Variants in PLCE1 observed in about 807,000 individuals in gnomAD.
PLCE1 encodes 1-phosphatidylinositol 4,5-bisphosphate phosphodiesterase epsilon-1.
In PLCE1, 119 loss-of-function variants were observed where a neutral mutation model predicts 242.8. The ratio of observed to expected loss-of-function variants is 0.49; its 90% CI spans 0.42 to 0.57. The LOEUF (loss-of-function observed/expected upper bound fraction) is 0.57, where lower values mean the gene tolerates loss of function less well. PLCE1 is among the 20% of genes least tolerant of loss of function. The pLI, the probability that PLCE1 is intolerant of heterozygous loss-of-function variation, is 0.00. For synonymous variants in PLCE1, 945 were observed against 1,017.4 expected, an observed-to-expected ratio of 0.93 and a Z score of 1.35; for missense variants, 2,441 against 2,788.8, an observed-to-expected ratio of 0.88 and a Z score of 2.81.
At chr10:94,271,704 T>C (rs112371529) in intron 18 of PLCE1, among the ~76,000 whole-genome samples, 3,172 of 152,242 alleles carry the variant, frequency 0.021, 135 homozygotes, top group African/African-American at 0.072. Flanking sequence ...AGTCAGTCCT[T>C]CCTTATATAA....
chr10:94,276,198 C>T (rs1204682702), intron 19 of PLCE1, among the ~76,000 whole-genome samples: 3 of 152,122 alleles, frequency 2.0e-5, no homozygotes, highest in Non-Finnish European at 4.4e-5. Context: ...TGATTATTGC[C>T]CCCGTCTGGT....
intron 22 of PLCE1, among the ~76,000 whole-genome samples, chr10:94,292,722 T>C (rs890251679): frequency 6.6e-6 from 1 of 152,238 alleles, no homozygotes; most frequent in Non-Finnish European, 1.5e-5. Flanking sequence ...AAATACGACC[T>C]CCTGAATGCT....
At chr10:94,069,883 A>G (rs753359128) in intron 2 of PLCE1, among the ~76,000 whole-genome samples, 4 of 152,178 alleles carry the variant, frequency 2.6e-5, no homozygotes, top group Non-Finnish European at 5.9e-5. Context: ...AACCAAAGCC[A>G]GGTCTATAGG....
At chr10:94,259,673 T>C (rs1045628072) in intron 13 of PLCE1, among the ~76,000 whole-genome samples, 10 of 152,184 alleles carry the variant, frequency 6.6e-5, no homozygotes, top group African/African-American at 2.4e-4. Context: ...CATTGTGTGG[T>C]TCTGCCCATG....
chr10:94,180,122 G>A (rs976642291), intron 4 of PLCE1, among the ~76,000 whole-genome samples: 11 of 152,108 alleles, frequency 7.2e-5, no homozygotes, highest in South Asian at 2.1e-4. Flanking sequence ...TCCAGAGCCA[G>A]CATTCTTGGC....
intron 1 of PLCE1, among the ~76,000 whole-genome samples, chr10:94,024,032 G>A (rs923340861): frequency 1.3e-5 from 2 of 152,166 alleles, no homozygotes; most frequent in African/African-American, 2.4e-5. Context: ...TGGAGCAGCA[G>A]ATATTCGGGA....
chr10:94,191,572 T>G (rs962162783), intron 4 of PLCE1, among the ~76,000 whole-genome samples: 1 of 151,872 alleles, frequency 6.6e-6, no homozygotes, highest in Non-Finnish European at 1.5e-5. Context: ...GTGCGGGAGG[T>G]TGAGTCTGCA....
chr10:94,072,571 A>G (rs1473254120), intron 2 of PLCE1, among the ~76,000 whole-genome samples: 1 of 151,890 alleles, frequency 6.6e-6, no homozygotes, highest in Non-Finnish European at 1.5e-5. Flanking sequence ...CATTTCTTTT[A>G]TTTGCTTGGC....
intron 2 of PLCE1, among the ~76,000 whole-genome samples, chr10:94,131,047 A>T (rs1455695657): frequency 1.3e-5 from 2 of 152,308 alleles, no homozygotes; most frequent in Middle Eastern, 3.4e-3. Flanking sequence ...CAGCCCTGTC[A>T]TAGTTTCTGG....
rs35760715 is a variant in PLCE1, at chr10:94,158,854, C to CTTTTTT, written c.1493-12312_1493-12307dup. On this transcript the variant is annotated intron_variant, in intron 3 of 32. Coordinates refer to ENST00000371380, the MANE Select transcript of PLCE1 (RefSeq NM_016341.4). ...TATTTTAAATTTTCTTCTTCTTTTT[C>CTTTTTT]TTTTTTTTTTTTTTTTTTTGAGACG... Among the ~76,000 whole-genome samples the CTTTTTT allele has an allele frequency of 6.3e-3, 705 of 111,416 alleles. 3 individuals carry two copies. Among genetic ancestry groups the CTTTTTT allele is most frequent in the East Asian group, 0.013 (47 of 3,494 alleles). The allele number at this position is 111,416 out of a possible 152,430, so 73.1% of individuals were successfully genotyped here.
intron 2 of PLCE1, among the ~76,000 whole-genome samples, chr10:94,090,373 G>T (rs2045015748): frequency 6.6e-6 from 1 of 152,158 alleles, no homozygotes; most frequent in Non-Finnish European, 1.5e-5. Context: ...GAGTGTTAGG[G>T]TTAAAAATTT....
chr10:94,279,436 G>T, intron 19 of PLCE1: 1 of 330,806 alleles, frequency 3.0e-6, no homozygotes, highest in Admixed American at 4.6e-5. Flanking sequence ...AAAAATTGAT[G>T]GGTGATTCAC....
Position 94,331,940 on chromosome 10 carries a change from C to T in PLCE1, c.*3997C>T, listed in dbSNP as rs55666785. Reference sequence around the variant, plus strand: ...AGCCTGGAGTGCAGTGGTACGATCTCGACTCACCACAACCTCCACCTCCCA... The same window carrying T: ...AGCCTGGAGTGCAGTGGTACGATCTTGACTCACCACAACCTCCACCTCCCA... On this transcript the variant is annotated 3_prime_UTR_variant, in exon 33 of 33. Coordinates refer to ENST00000371380, the MANE Select transcript of PLCE1 (RefSeq NM_016341.4). The T allele has an allele frequency of 0.028, 4,182 of 148,762 alleles. 66 individuals carry two copies. The highest frequency in any genetic ancestry group is 0.047 in the African/African-American group (1,881 of 40,214). The allele number at this position is 148,762 out of a possible 1,614,324, so 9.2% of individuals were successfully genotyped here. A position where few individuals can be genotyped will look rare whatever the true frequency, so the allele number is the denominator to read the frequency against.
chr10:94,045,830 G>A (rs1433568565), intron 2 of PLCE1, among the ~76,000 whole-genome samples: 2 of 152,132 alleles, frequency 1.3e-5, no homozygotes, highest in East Asian at 3.9e-4. Context: ...GCCAGGCGCG[G>A]TGGCTCACGC....
chr10:94,175,280 C>A (rs2048095341), intron 4 of PLCE1, among the ~76,000 whole-genome samples: 1 of 152,024 alleles, frequency 6.6e-6, no homozygotes, highest in Non-Finnish European at 1.5e-5. Context: ...CTTTCTATTT[C>A]TTTTCAAAAT....
intron 16 of PLCE1, among the ~76,000 whole-genome samples, chr10:94,266,802 A>T (rs894367748): frequency 3.9e-5 from 6 of 152,218 alleles, no homozygotes; most frequent in Non-Finnish European, 7.3e-5. Flanking sequence ...TATTCCTCAA[A>T]GCATGGGGCA....
intron 3 of PLCE1, chr10:94,138,194 A>C (rs1190455118): frequency 2.8e-6 from 1 of 360,518 alleles, no homozygotes; most frequent in Non-Finnish European, 5.4e-6. Flanking sequence ...TCAATGATAC[A>C]GTCTTGGCCC....
chr10:94,111,328 G>A (rs559089422), intron 2 of PLCE1, among the ~76,000 whole-genome samples: 9 of 152,328 alleles, frequency 5.9e-5, no homozygotes, highest in South Asian at 4.1e-4. Flanking sequence ...GGCAAGCAAC[G>A]AGGCTCACTA....
At position 94,171,445 on chromosome 10, in the gene PLCE1, T is replaced by G; in HGVS notation, c.1758T>G (p.Thr586=). ...KASISASILT[T]QNGEHNALED... ...CCATCTCAGCGTCGATTCTTACCACTCAGAATGGAGAGCACAATGCCCTTG... is the reference window on the plus strand; with the variant it reads ...CCATCTCAGCGTCGATTCTTACCACGCAGAATGGAGAGCACAATGCCCTTG... Residue 586 remains threonine, a synonymous_variant, in exon 4 of 33, where the codon ACT becomes ACG. Transcript: ENST00000371380. The G allele has an allele frequency of 6.2e-7, 1 of 1,614,136 alleles. No individual in the cohort carries two copies.
Sources: allele counts gnomAD v4.1 joint callset (sites outside exome capture counted in the v4.1 genomes callset), GRCh38; gene constraint gnomAD v4.1.1; transcripts MANE v1.5; gene names NCBI Gene and HGNC (gene_info 2026-07-23, HGNC 2026-07-21).